Variants in TRAPPC2 observed in about 807,000 individuals in gnomAD.
TRAPPC2 encodes sedlin.
A neutral mutation model predicts 10.0 loss-of-function variants in TRAPPC2; 4 were observed. The ratio of observed to expected loss-of-function variants is 0.40; its 90% CI spans 0.20 to 0.92. TRAPPC2 has a LOEUF of 0.92. TRAPPC2 is among the 40% of genes least tolerant of loss of function. The pLI is 0.35. For synonymous variants in TRAPPC2, 36 were observed against 37.3 expected, an observed-to-expected ratio of 0.97 and a Z score of 0.12; for missense variants, 52 against 108.7, an observed-to-expected ratio of 0.48 and a Z score of 2.32.
chrX:13,733,832 C>A (rs2046739218), intron 2 of TRAPPC2, among the ~76,000 whole-genome samples: 3 of 110,505 alleles, frequency 2.7e-5, no homozygotes, highest in East Asian at 2.8e-4. Context: ...CGAATCCTAC[C>A]CATCAAGGCC....
intron 2 of TRAPPC2, among the ~76,000 whole-genome samples, chrX:13,724,436 C>T (rs746641870): frequency 2.1e-4 from 22 of 105,780 alleles, no homozygotes; most frequent in African/African-American, 6.6e-4. Context: ...TTTTAGGCTA[C>T]GATCAGGAAA....
intron 3 of TRAPPC2, 109 bp from the exon 4 acceptor site, chrX:13,716,787 GT>G: frequency 1.2e-6 from 1 of 832,387 alleles, no homozygotes; most frequent in Non-Finnish European, 1.7e-6. Flanking sequence ...GGAAAAAACA[GT>G]TTGCTTTTAT....
In TRAPPC2 at chrX:13,715,934, A is replaced by G. The variant is rs1469177899; in HGVS notation, c.324+70T>C. On this transcript the variant is annotated intron_variant, in intron 5 of 5. Coordinates refer to ENST00000380579, the MANE Select transcript of TRAPPC2 (RefSeq NM_001011658.4). ...ACTGCAGCCTAAGGGAGTTACTTCA[A>G]TAGGCCAGTTTCCTGACAAAGGTCG... is the stretch of plus-strand genomic sequence containing the variant. 11 of 1,114,862 alleles carry G rather than the reference A, an allele frequency of 9.9e-6. No homozygotes were observed. In the South Asian group the frequency reaches 1.2e-4, roughly 12 times the overall value. The allele number at this position is 1,114,862 out of a possible 1,213,427, so 91.9% of individuals were successfully genotyped here. A position where few individuals can be genotyped will look rare whatever the true frequency, so the allele number is the denominator to read the frequency against.
intron 2 of TRAPPC2, among the ~76,000 whole-genome samples, chrX:13,730,588 A>G (rs1243663060): frequency 1.8e-5 from 2 of 111,760 alleles, no homozygotes; most frequent in Non-Finnish European, 3.8e-5. Context: ...AAGGATTACA[A>G]ATCATGCTAC....
chrX:13,720,077 C>A, intron 2 of TRAPPC2, 95 bp from the exon 3 acceptor site: 1 of 633,438 alleles, frequency 1.6e-6, no homozygotes, highest in Non-Finnish European at 2.3e-6. Context: ...TAAATTTAAA[C>A]CTGACATTGT....
intron 2 of TRAPPC2, chrX:13,722,208 C>CAGAAAAAAAAAAAAAAAA (rs1555898001): frequency 5.5e-5 from 2 of 36,116 alleles, no homozygotes; most frequent in Non-Finnish European, 1.0e-4. Context: ...TAAGCAGCAG[C>CAGAAAAAAAAAAAAAAAA]AAAAAAAAAA....
intron 2 of TRAPPC2, among the ~76,000 whole-genome samples, chrX:13,724,397 A>AT (rs2046494839): frequency 1.0e-5 from 1 of 98,417 alleles, no homozygotes; most frequent in Non-Finnish European, 2.0e-5. Flanking sequence ...TGTAATATAT[A>AT]TTTAAAAAAA....
Position 13,734,117 on chromosome X carries a change from G to A in TRAPPC2, c.-93C>T. On this transcript the variant is annotated 5_prime_UTR_variant, in exon 2 of 6. An upstream open reading frame in the 5' UTR gains an earlier in-frame stop. Transcript: ENST00000380579. ...GTGGATCTCAACCCGGAGCGATCTTGCTTCCAAGAGGACATCTGGCAATAT... is the reference window on the plus strand; with the variant it reads ...GTGGATCTCAACCCGGAGCGATCTTACTTCCAAGAGGACATCTGGCAATAT... 1.9e-6 allele frequency: 1 copy of A among 513,232 alleles called. No homozygotes were observed. Among genetic ancestry groups the A allele is most frequent in the Non-Finnish European group, 3.5e-6 (1 of 286,111 alleles). 42.3% of individuals were successfully genotyped at this position (513,232 alleles called of 1,213,427 possible).
At chrX:13,729,658 C>T (rs1168016465) in intron 2 of TRAPPC2, among the ~76,000 whole-genome samples, 1 of 111,782 alleles carries the variant, frequency 8.9e-6, no homozygotes, top group African/African-American at 3.3e-5. Context: ...CCTGTAATCC[C>T]GGCACTTTGG....
At chrX:13,722,208 C>CCAAAAA (rs1555898002) in intron 2 of TRAPPC2, 4 of 36,118 alleles carry the variant, frequency 1.1e-4, no homozygotes, top group Admixed American at 5.4e-4. Flanking sequence ...TAAGCAGCAG[C>CCAAAAA]AAAAAAAAAA....
In TRAPPC2 at chrX:13,713,535, T is replaced by A. The variant is rs1253774808; in HGVS notation, c.*872A>T. The A allele has an allele frequency of 9.0e-6, 1 of 110,636 alleles. No individual in the cohort carries two copies. Among genetic ancestry groups the A allele is most frequent in the Non-Finnish European group, 1.9e-5 (1 of 52,897 alleles). 9.1% of individuals were successfully genotyped at this position (110,636 alleles called of 1,213,427 possible). On this transcript the variant is annotated 3_prime_UTR_variant, in exon 6 of 6. Coordinates refer to ENST00000380579, the MANE Select transcript of TRAPPC2 (RefSeq NM_001011658.4). ...CCAATTTTTAAGTAAAAATATTTCATGGCCGGGCGTGGTGGCTCACACGCC... is the reference window on the plus strand; with the variant it reads ...CCAATTTTTAAGTAAAAATATTTCAAGGCCGGGCGTGGTGGCTCACACGCC...
In TRAPPC2 at chrX:13,734,552, G is replaced by T; in HGVS notation, c.-189C>A. On this transcript the variant is annotated 5_prime_UTR_variant, in exon 1 of 6. Coordinates refer to ENST00000380579, the MANE Select transcript of TRAPPC2 (RefSeq NM_001011658.4). Reference sequence around the variant, plus strand: ...GCAGTGGGAGGCCGACAACGGAAACGCAATGTCAGTTTCCGCGGAAGAGAC... The same window carrying T: ...GCAGTGGGAGGCCGACAACGGAAACTCAATGTCAGTTTCCGCGGAAGAGAC... 2.6e-6 allele frequency: 1 copy of T among 388,760 alleles called. No individual in the cohort carries two copies. Among genetic ancestry groups the T allele is most frequent in the South Asian group, 9.2e-5 (1 of 10,866 alleles). 32.0% of individuals were successfully genotyped at this position (388,760 alleles called of 1,213,427 possible). A position where few individuals can be genotyped will look rare whatever the true frequency, so the allele number is the denominator to read the frequency against.
intron 2 of TRAPPC2, among the ~76,000 whole-genome samples, chrX:13,728,626 A>G (rs1451770497): frequency 8.9e-6 from 1 of 112,140 alleles, no homozygotes; most frequent in African/African-American, 3.3e-5. Context: ...TATTTATGAC[A>G]AACCCACAGC....
intron 2 of TRAPPC2, among the ~76,000 whole-genome samples, chrX:13,723,036 A>G (rs1246656294): frequency 9.7e-6 from 1 of 103,332 alleles, no homozygotes. Context: ...CGGAGCTTGC[A>G]GTGAGCCAAG....
At chrX:13,720,140 T>G in intron 2 of TRAPPC2, 158 bp from the exon 3 acceptor site, 1 of 328,964 alleles carries the variant, frequency 3.0e-6, no homozygotes, top group Non-Finnish European at 5.2e-6. Flanking sequence ...CGAAGATACG[T>G]AGCTTCTGGA....
intron 2 of TRAPPC2, among the ~76,000 whole-genome samples, chrX:13,724,799 C>T (rs974035011): frequency 2.7e-5 from 3 of 112,557 alleles, no homozygotes; most frequent in Admixed American, 9.3e-5. Flanking sequence ...GGCAGGGCGT[C>T]GCCTCACCCA....
At chrX:13,725,628 G>A (rs2046530852) in intron 2 of TRAPPC2, among the ~76,000 whole-genome samples, 1 of 112,547 alleles carries the variant, frequency 8.9e-6, no homozygotes, top group African/African-American at 3.2e-5. Context: ...ACCAAAGGCA[G>A]ATAAAACCAC....
At chrX:13,733,495 T>A (rs1175268969) in intron 2 of TRAPPC2, among the ~76,000 whole-genome samples, 1 of 112,069 alleles carries the variant, frequency 8.9e-6, no homozygotes, top group Non-Finnish European at 1.9e-5. Context: ...CCTCTCCTCC[T>A]TTTCCATTGT....
intron 2 of TRAPPC2, chrX:13,722,098 A>C (rs1369405546): frequency 9.3e-6 from 1 of 107,854 alleles, no homozygotes; most frequent in Non-Finnish European, 1.9e-5. Context: ...GGGAGTTGAA[A>C]TTTGAACCAA....
Sources: allele counts gnomAD v4.1 joint callset (sites outside exome capture counted in the v4.1 genomes callset), GRCh38; gene constraint gnomAD v4.1.1; transcripts MANE v1.5; gene names NCBI Gene and HGNC (gene_info 2026-07-23, HGNC 2026-07-21).